Variants in ESRRG observed in about 807,000 individuals in gnomAD.
ESRRG encodes the protein estrogen-related receptor gamma.
In ESRRG, 13 loss-of-function variants were observed where a neutral mutation model predicts 44.0. That is an observed-to-expected ratio of 0.30 (90% CI 0.19 to 0.47). The LOEUF (loss-of-function observed/expected upper bound fraction) is 0.47. Ranked by LOEUF, ESRRG falls within the 20% of genes least tolerant of loss-of-function variation. The pLI is 1.00. For missense variants in ESRRG, 395 were observed against 580.6 expected, an observed-to-expected ratio of 0.68 and a Z score of 3.29; for synonymous variants, 215 against 214.6, an observed-to-expected ratio of 1.00 and a Z score of -0.02.
At chr1:216,895,219 T>C (rs1399043828) in intron 2 of ESRRG, among the ~76,000 whole-genome samples, 2 of 152,202 alleles carry the variant, frequency 1.3e-5, no homozygotes, top group Non-Finnish European at 2.9e-5. Flanking sequence ...TGACAGCAAA[T>C]AAGACCCTGT....
At chr1:216,688,413 A>G (rs763800351) in intron 1 of ESRRG, among the ~76,000 whole-genome samples, 7 of 152,226 alleles carry the variant, frequency 4.6e-5, no homozygotes, top group Non-Finnish European at 8.8e-5. Context: ...CCACAGCACC[A>G]TCTGTTACCA....
chr1:217,105,542 G>A (rs1461606827), intron 1 of ESRRG, among the ~76,000 whole-genome samples: 2 of 152,106 alleles, frequency 1.3e-5, no homozygotes, highest in African/African-American at 4.8e-5. Context: ...CCCTGTGCCT[G>A]GGTCCTCTCT....
chr1:216,936,955 C>A (rs536255489), intron 2 of ESRRG, among the ~76,000 whole-genome samples: 1 of 152,172 alleles, frequency 6.6e-6, no homozygotes, highest in Admixed American at 6.5e-5. Context: ...CAGAACTTAA[C>A]CGAGAGGCAT....
chr1:216,946,034 T>C (rs2066000182), intron 1 of ESRRG, among the ~76,000 whole-genome samples: 1 of 152,228 alleles, frequency 6.6e-6, no homozygotes. Flanking sequence ...GAACAGCTCA[T>C]TATTTACTAA....
intron 3 of ESRRG, among the ~76,000 whole-genome samples, chr1:216,590,118 T>C (rs1291555304): frequency 4.3e-4 from 65 of 152,010 alleles, no homozygotes; most frequent in Admixed American, 6.5e-5. Flanking sequence ...GATGAAAATA[T>C]ATTCAATATC....
intron 6 of ESRRG, among the ~76,000 whole-genome samples, chr1:216,513,266 G>C (rs1480636526): frequency 6.6e-6 from 1 of 152,110 alleles, no homozygotes; most frequent in Non-Finnish European, 1.5e-5. Context: ...AGAAAGTAAT[G>C]AATCAAGCAG....
intron 2 of ESRRG, among the ~76,000 whole-genome samples, chr1:216,911,494 T>A (rs764741232): frequency 6.6e-6 from 1 of 152,194 alleles, no homozygotes; most frequent in Non-Finnish European, 1.5e-5. Flanking sequence ...GTGAAACTAC[T>A]CTGTATAATG....
chr1:216,864,778 C>G (rs2096119968), intron 2 of ESRRG: 1 of 152,110 alleles, frequency 6.6e-6, no homozygotes, highest in Non-Finnish European at 1.5e-5. Context: ...GGAGATGCTT[C>G]CCAGAGGCCC....
chr1:216,941,137 G>T (rs994163078), intron 1 of ESRRG, among the ~76,000 whole-genome samples: 6 of 152,100 alleles, frequency 3.9e-5, no homozygotes. Context: ...TATTTTCTAG[G>T]ATTGTGAAGA....
intron 5 of ESRRG, among the ~76,000 whole-genome samples, chr1:216,539,177 A>C (rs1211110985): frequency 2.0e-5 from 3 of 148,300 alleles, no homozygotes; most frequent in African/African-American, 5.0e-5. Context: ...TAAGGAAGGA[A>C]AAAGTCAACC....
Position 216,941,757 on chromosome 1 carries a change from T to TG in ESRRG, c.-105-2085dup, listed in dbSNP as rs1254150013. Among the ~76,000 whole-genome samples the TG allele has an allele frequency of 2.0e-5, 3 of 152,250 alleles. No individual in the cohort carries two copies. The South Asian group carries it at 6.2e-4, about 32-fold the overall frequency. ...AATACTATAGGTAATTTACTAAGAATGGGGGGAAAAAGATTGTAAACAGCC... is the reference window on the plus strand; with the variant it reads ...AATACTATAGGTAATTTACTAAGAATGGGGGGGAAAAAGATTGTAAACAGCC... On this transcript the variant is annotated intron_variant, in intron 1 of 7. Coordinates refer to the ESRRG transcript ENST00000359162.
chr1:216,774,185 A>G (rs2093499187), intron 2 of ESRRG, among the ~76,000 whole-genome samples: 1 of 152,132 alleles, frequency 6.6e-6, no homozygotes, highest in South Asian at 2.1e-4. Flanking sequence ...GAGCTCGGTC[A>G]GAACTTGTCA....
rs114900489 is a variant in ESRRG at position 216,861,567 on chromosome 1, G to A, written c.-14+78015C>T. On this transcript the variant is annotated intron_variant, in intron 2 of 7. Transcript: ENST00000359162. ...AGATTGTTAGATTGGATAAAAAAGC[G>A]AAATTCAACTATATGTTTCCCACAA... Among the ~76,000 whole-genome samples the A allele has an allele frequency of 9.7e-3, 1,476 of 152,036 alleles. 18 individuals carry two copies. Among genetic ancestry groups the A allele is most frequent in the African/African-American group, 0.033 (1,377 of 41,554 alleles).
chr1:216,605,417 C>A (rs559518937), intron 3 of ESRRG, among the ~76,000 whole-genome samples: 4 of 152,158 alleles, frequency 2.6e-5, no homozygotes, highest in Admixed American at 6.5e-5. Flanking sequence ...ACATTATGAT[C>A]TTCACACAAC....
intron 2 of ESRRG, among the ~76,000 whole-genome samples, chr1:216,897,196 G>A (rs147306052): frequency 4.3e-4 from 66 of 152,284 alleles, no homozygotes; most frequent in African/African-American, 1.5e-3. Flanking sequence ...AGGACCCAGT[G>A]GATTTGCCAT....
intron 3 of ESRRG, among the ~76,000 whole-genome samples, chr1:216,650,288 A>C (rs576489171): frequency 6.6e-6 from 1 of 152,316 alleles, no homozygotes; most frequent in Non-Finnish European, 1.5e-5. Flanking sequence ...CTCCAAGCTA[A>C]CATGTGAATT....
intron 3 of ESRRG, among the ~76,000 whole-genome samples, chr1:216,611,264 G>A (rs910991834): frequency 1.3e-5 from 2 of 149,162 alleles, no homozygotes; most frequent in African/African-American, 4.9e-5. Context: ...TTGGCACACG[G>A]CAGGTATTTG....
chr1:217,106,388 ATATG>A (rs201103050), intron 1 of ESRRG, among the ~76,000 whole-genome samples: 1 of 135,460 alleles, frequency 7.4e-6, no homozygotes, highest in Admixed American at 7.2e-5. Context: ...ACACACTCAC[ATATG>A]CACACACACA....
chr1:216,526,802 A>C (rs1206148405), intron 5 of ESRRG, among the ~76,000 whole-genome samples: 1 of 152,106 alleles, frequency 6.6e-6, no homozygotes, highest in Non-Finnish European at 1.5e-5. Flanking sequence ...CTCAGACAAA[A>C]TCCATGGACT....
Sources: gnomAD v4.1 joint callset for allele counts (sites outside exome capture counted in the v4.1 genomes callset) on GRCh38, gnomAD v4.1.1 for gene constraint, MANE v1.5 for transcripts, NCBI Gene and HGNC (gene_info 2026-07-23, HGNC 2026-07-21) for gene names.